The following MYO15B variants were observed in gnomAD, a reference collection of about 807,000 sequenced individuals.
MYO15B encodes myosin XVB pseudogene.
Under a neutral mutation model 119.3 loss-of-function variants are expected in MYO15B, and 207 were observed. The ratio of observed to expected loss-of-function variants is 1.73; its 90% CI spans 1.55 to 1.95. The LOEUF is 1.95. Ranked by LOEUF, MYO15B falls within the 30% of genes most tolerant of loss-of-function variation. The probability of loss-of-function intolerance (pLI) is 0.00; values close to 1 mark genes in which losing one functional copy is unlikely to be tolerated. For missense variants in MYO15B, 2,264 were observed against 1,203.1 expected (o/e 1.88, Z -13.04); for synonymous variants, 966 against 498.9 (o/e 1.94, Z -12.48).
At chr17:75,602,619 C>G (rs1014531228) in intron 16 of MYO15B, 25 bp downstream of exon 16, 1 of 651,400 alleles carries the variant, frequency 1.5e-6, no homozygotes, top group Non-Finnish European at 2.8e-6. Flanking sequence ...TTCCAGGCCC[C>G]CACCCGCTCC....
exon 40 of MYO15B, chr17:75,616,874 G>C (rs2148044313): frequency 2.8e-6 from 2 of 703,060 alleles, no homozygotes; most frequent in Middle Eastern, 2.3e-4. Context: ...CTCCCACGAG[G>C]CCTCCCAAAG....
At chr17:75,602,154 A>G in intron 15 of MYO15B, 1 of 351,890 alleles carries the variant, frequency 2.8e-6, no homozygotes, top group South Asian at 2.5e-5. Context: ...ACTACAAACT[A>G]CCCAGGAGTT....
chr17:75,610,035 G>A lies in MYO15B; in HGVS notation c.4293-131G>A, dbSNP rs1005777232. The A allele has an allele frequency of 1.1e-5, 6 of 522,716 alleles. No individual in the cohort carries two copies. The African/African-American group carries it at 1.2e-4, about 10-fold the overall frequency. The allele number at this position is 522,716 out of a possible 1,614,324, so 32.4% of individuals were successfully genotyped here. A position where few individuals can be genotyped will look rare whatever the true frequency, so the allele number is the denominator to read the frequency against. On this transcript the variant is annotated intron_variant, in intron 21 of 63. Transcript: ENST00000645453. ...ATCCTATTCTTTTCCTGTCGTTTCT[G>A]TGAAGCATCCAGGGCTTCTCTGGTC...
chr17:75,591,748 C>T, intron 5 of MYO15B, 36 bp downstream of exon 5: 1 of 702,742 alleles, frequency 1.4e-6, no homozygotes, highest in Non-Finnish European at 2.6e-6. Flanking sequence ...ATGGGTTGAG[C>T]TGGCCGTCTG....
chr17:75,614,219 G>A (rs2058218049), exon 30 of MYO15B: 4 of 701,078 alleles, frequency 5.7e-6, no homozygotes, highest in Non-Finnish European at 1.0e-5. Flanking sequence ...GCGCCTCCCC[G>A]GGGCTGGTCT....
At chr17:75,624,428 C>T (rs562503830) in exon 57 of MYO15B, 78 of 702,678 alleles carry the variant, frequency 1.1e-4, no homozygotes, top group South Asian at 9.5e-4. Flanking sequence ...GATTATAGGA[C>T]GAATATCCAG....
At chr17:75,595,139 G>T in intron 12 of MYO15B, 167 bp downstream of exon 12, 1 of 612,004 alleles carries the variant, frequency 1.6e-6, no homozygotes, top group Non-Finnish European at 2.9e-6. Context: ...AGCCTGCTGG[G>T]GTGGGGTGCA....
intron 53 of MYO15B, 25 bp from the exon 54 acceptor site, chr17:75,623,756 C>G (rs1417595648): frequency 4.3e-6 from 3 of 702,822 alleles, no homozygotes; most frequent in Non-Finnish European, 7.8e-6. Context: ...ATCCCTCACC[C>G]CACCTGCCCT....
intron 20 of MYO15B, 105 bp downstream of exon 20, chr17:75,605,726 G>A: frequency 4.5e-6 from 3 of 671,932 alleles, no homozygotes; most frequent in Admixed American, 4.2e-5. Context: ...CCATCCAAGT[G>A]GTGGGAGACA....
In MYO15B at chr17:75,616,461, G is replaced by C; in HGVS notation, c.6244+15G>C. 3.0e-6 allele frequency: 2 copies of C among 660,614 alleles called. No homozygotes were observed. Among genetic ancestry groups the C allele is most frequent in the South Asian group, 3.3e-5 (2 of 59,958 alleles). The allele number at this position is 660,614 out of a possible 1,614,324, so 40.9% of individuals were successfully genotyped here. A position where few individuals can be genotyped will look rare whatever the true frequency, so the allele number is the denominator to read the frequency against. On this transcript the variant is annotated intron_variant, in intron 38 of 63. Coordinates refer to ENST00000645453, the Ensembl canonical transcript of MYO15B. ...AACAAGAGCAGGTTGTGGGGAGCTGGGCAGGGCCTGGGGCTCCGGTGGCTC... is the reference window on the plus strand; with the variant it reads ...AACAAGAGCAGGTTGTGGGGAGCTGCGCAGGGCCTGGGGCTCCGGTGGCTC...
At chr17:75,621,968 C>T (rs1299280111) in intron 52 of MYO15B, 36 bp from the exon 53 acceptor site, 1 of 702,196 alleles carries the variant, frequency 1.4e-6, no homozygotes, top group African/African-American at 1.7e-5. Context: ...CCAGCACAGC[C>T]CCAGCTATGT....
At chr17:75,620,087 G>A (rs934577852) in intron 47 of MYO15B, 67 bp downstream of exon 47, 42 of 674,502 alleles carry the variant, frequency 6.2e-5, no homozygotes, top group Admixed American at 2.7e-4. Flanking sequence ...CTCCCTGTCC[G>A]TCTTCCCTGT....
At chr17:75,606,375 C>T (rs1337310552) in intron 21 of MYO15B, among the ~76,000 whole-genome samples, 2 of 150,858 alleles carry the variant, frequency 1.3e-5, no homozygotes, top group African/African-American at 4.9e-5. Flanking sequence ...AGTGCAGTGG[C>T]GCGATCTCAG....
intron 27 of MYO15B, 39 bp downstream of exon 27, chr17:75,613,248 C>T (rs895536615): frequency 1.3e-5 from 9 of 673,538 alleles, no homozygotes; most frequent in Middle Eastern, 4.7e-4. Context: ...CAGGTGGGGT[C>T]GCTGGATCAC....
Position 75,605,703 on chromosome 17 carries a change from A to G in MYO15B, c.4134+82A>G, listed in dbSNP as rs76320871. 4,024 of 681,392 alleles carry G rather than the reference A, an allele frequency of 5.9e-3. 113 individuals carry two copies. In the African/African-American group the frequency reaches 0.06, roughly 10 times the overall value. 42.2% of individuals were successfully genotyped at this position (681,392 alleles called of 1,614,324 possible). On this transcript the variant is annotated intron_variant, in intron 20 of 63. Transcript: ENST00000645453. The stretch of plus-strand genomic sequence containing the variant: ...ATTCTGGGCCCAAAGGGACAAACCC[A>G]GGATTTGGGGATCCATCCAAGTGGT...
chr17:75,599,893 CAAAATAAT>C (rs1349282670), intron 14 of MYO15B, among the ~76,000 whole-genome samples: 1 of 63,560 alleles, frequency 1.6e-5, no homozygotes, highest in Admixed American at 2.1e-4. Flanking sequence ...AGACTCGTCT[CAAAATAAT>C]AATAATAATA....
At chr17:75,620,151 T>C in intron 47 of MYO15B, 95 bp from the exon 48 acceptor site, 1 of 692,382 alleles carries the variant, frequency 1.4e-6, no homozygotes, top group East Asian at 2.7e-5. Context: ...GGGTGCTAGG[T>C]GGAGGGGCAG....
exon 62 of MYO15B, chr17:75,625,879 G>A (rs781541789): frequency 2.8e-5 from 20 of 702,884 alleles, no homozygotes; most frequent in African/African-American, 1.4e-4. Flanking sequence ...CGGCTACACC[G>A]TCTATGGGGT....
chr17:75,591,787 C>G (rs2147709879), intron 5 of MYO15B, 75 bp downstream of exon 5: 1 of 699,914 alleles, frequency 1.4e-6, no homozygotes, highest in Middle Eastern at 2.3e-4. Flanking sequence ...CTGACCATGT[C>G]CAAGGGACTA....
Sources: gnomAD v4.1 joint callset for allele counts (sites outside exome capture counted in the v4.1 genomes callset) on GRCh38, gnomAD v4.1.1 for gene constraint, MANE v1.5 for transcripts, NCBI Gene and HGNC (gene_info 2026-07-23, HGNC 2026-07-21) for gene names.